SH3RF3: variants seen among roughly 807,000 people sequenced by gnomAD.
SH3RF3 encodes E3 ubiquitin-protein ligase SH3RF3.
In SH3RF3, 29 loss-of-function variants were observed where a neutral mutation model predicts 66.3. That is an observed-to-expected ratio of 0.44 (90% confidence interval 0.33 to 0.60). The LOEUF is 0.60. Ranked by LOEUF, SH3RF3 falls within the 20% of genes least tolerant of loss-of-function variation. The pLI is 0.04. For missense variants in SH3RF3, 1,194 were observed against 1,190.9 expected, an observed-to-expected ratio of 1.00 and a Z score of -0.04; for synonymous variants, 583 against 532.0, an observed-to-expected ratio of 1.10 and a Z score of -1.32.
chr2:109,324,151 T>TA (rs767047801), intron 1 of SH3RF3, among the ~76,000 whole-genome samples: 1 of 152,272 alleles, frequency 6.6e-6, no homozygotes, highest in Non-Finnish European at 1.5e-5. Flanking sequence ...TTCATGTTTT[T>TA]ATGGCTGAAT....
At chr2:109,442,410 A>G (rs1677594813) in intron 7 of SH3RF3, among the ~76,000 whole-genome samples, 1 of 152,170 alleles carries the variant, frequency 6.6e-6, no homozygotes, top group Non-Finnish European at 1.5e-5. Flanking sequence ...GAAGATCTAT[A>G]CAAAGGAATG....
chr2:109,321,439 T>C (rs887432221), intron 1 of SH3RF3, among the ~76,000 whole-genome samples: 1 of 152,246 alleles, frequency 6.6e-6, no homozygotes, highest in Non-Finnish European at 1.5e-5. Context: ...TTGTTGAATT[T>C]TGATTATCAG....
chr2:109,494,191 T>A (rs1391502359), intron 9 of SH3RF3, among the ~76,000 whole-genome samples: 1 of 152,216 alleles, frequency 6.6e-6, no homozygotes, highest in African/African-American at 2.4e-5. Flanking sequence ...ACCCTGTTTC[T>A]ATAAAGTCAT....
At chr2:109,214,590 C>A (rs1358785595) in intron 1 of SH3RF3, among the ~76,000 whole-genome samples, 2 of 152,076 alleles carry the variant, frequency 1.3e-5, no homozygotes, top group African/African-American at 4.8e-5. Context: ...TGAAAGACAG[C>A]CAAACAGGAA....
At chr2:109,221,158 A>G (rs1679227643) in intron 1 of SH3RF3, among the ~76,000 whole-genome samples, 1 of 152,246 alleles carries the variant, frequency 6.6e-6, no homozygotes, top group Admixed American at 6.5e-5. Context: ...CATACAAGTC[A>G]TGCACAGAGG....
chr2:109,473,976 G>C (rs1342241531), intron 8 of SH3RF3, among the ~76,000 whole-genome samples: 2 of 152,182 alleles, frequency 1.3e-5, no homozygotes, highest in African/African-American at 4.8e-5. Flanking sequence ...ACTCTGTCCT[G>C]GAAGGTGCTG....
At position 109,231,157 on chromosome 2, in the gene SH3RF3, C is replaced by T. The variant is rs910528816; in HGVS notation, c.573+101044C>T. 3.9e-5 allele frequency among the ~76,000 whole-genome samples: 6 copies of T among 152,218 alleles called. No individual in the cohort carries two copies. In the East Asian group the frequency reaches 5.8e-4, roughly 15 times the overall value. ...TTAGTGACCCCATCTCCTCTCCTCC[C>T]GGAGCCAGGCCAGAGCGGCTTTGCC... On this transcript the variant is annotated intron_variant, in intron 1 of 9. Coordinates refer to ENST00000309415, the MANE Select transcript of SH3RF3 (RefSeq NM_001099289.3).
intron 1 of SH3RF3, among the ~76,000 whole-genome samples, chr2:109,155,221 C>T (rs1252857009): frequency 1.3e-5 from 2 of 152,192 alleles, no homozygotes; most frequent in African/African-American, 2.4e-5. Flanking sequence ...TCCATGGGCA[C>T]CTTGCATCTA....
chr2:109,431,395 C>T (rs1045423979), intron 5 of SH3RF3, among the ~76,000 whole-genome samples: 4 of 152,228 alleles, frequency 2.6e-5, no homozygotes, highest in African/African-American at 9.6e-5. Context: ...TCCCTCCGTT[C>T]AAAACCAACC....
At chr2:109,269,686 C>T (rs184506202) in intron 1 of SH3RF3, among the ~76,000 whole-genome samples, 5 of 152,204 alleles carry the variant, frequency 3.3e-5, no homozygotes, top group Admixed American at 1.3e-4. Flanking sequence ...GGCTGAGGCA[C>T]GAGATTTGTT....
In SH3RF3 at chr2:109,504,405, C is replaced by G. The variant is rs964814544; in HGVS notation, c.*2734C>G. On this transcript the variant is annotated 3_prime_UTR_variant, in exon 10 of 10. Transcript: ENST00000309415. ...GCAGAGAGGATGGCGGCCACGGGTG[C>G]TCTCCTGGCATCCTCATGGGGTGAT... 6.6e-6 allele frequency: 1 copy of G among 152,290 alleles called. No homozygotes were observed. The highest frequency in any genetic ancestry group is 2.4e-5 in the African/African-American group (1 of 41,458). 9.4% of individuals were successfully genotyped at this position (152,290 alleles called of 1,614,324 possible).
In SH3RF3 at chr2:109,129,613, G is replaced by A. The variant is rs1676631935; in HGVS notation, c.73G>A (p.Asp25Asn). The A allele has an allele frequency of 1.3e-6, 2 of 1,486,306 alleles. No individual in the cohort carries two copies. Among genetic ancestry groups the A allele is most frequent in the Non-Finnish European group, 1.8e-6 (2 of 1,126,722 alleles). 92.1% of individuals were successfully genotyped at this position (1,486,306 alleles called of 1,614,324 possible). A position where few individuals can be genotyped will look rare whatever the true frequency, so the allele number is the denominator to read the frequency against. The change falls in exon 1 of 10, where the codon GAC becomes AAC. Residue 25 changes from aspartate (D) to asparagine (N), a missense_variant. Coordinates refer to ENST00000309415, the MANE Select transcript of SH3RF3 (RefSeq NM_001099289.3). ...TGCTGCGCAGAGCGAGGGCGACGAG[G>A]ACAGGCCAGGCGAGCGACGGCGGCG... ...AAAAQSEGDE[D>N]RPGERRRRRA...
intron 8 of SH3RF3, among the ~76,000 whole-genome samples, chr2:109,472,771 T>A (rs1224475052): frequency 6.6e-6 from 1 of 152,216 alleles, no homozygotes; most frequent in Non-Finnish European, 1.5e-5. Context: ...ATGGCTGTGT[T>A]GTATTTGTCC....
intron 5 of SH3RF3, among the ~76,000 whole-genome samples, chr2:109,420,020 G>A (rs1676829408): frequency 6.6e-6 from 1 of 152,222 alleles, no homozygotes; most frequent in Non-Finnish European, 1.5e-5. Context: ...CTAGGAGCTT[G>A]GGTAGCCACT....
intron 1 of SH3RF3, among the ~76,000 whole-genome samples, chr2:109,194,413 C>G (rs1429397005): frequency 8.5e-5 from 13 of 152,226 alleles, no homozygotes; most frequent in Admixed American, 8.5e-4. Flanking sequence ...CCCCTGCCAT[C>G]CACAGTCTTC....
chr2:109,387,381 C>A (rs1009078966), intron 3 of SH3RF3, among the ~76,000 whole-genome samples: 1 of 152,202 alleles, frequency 6.6e-6, no homozygotes, highest in Admixed American at 6.5e-5. Context: ...CTCCCAGGGG[C>A]CCAGAAGCTT....
At chr2:109,414,571 C>T (rs1373063127) in intron 4 of SH3RF3, among the ~76,000 whole-genome samples, 1 of 152,188 alleles carries the variant, frequency 6.6e-6, no homozygotes, top group Non-Finnish European at 1.5e-5. Flanking sequence ...CACCTGGGAG[C>T]TAAGGGCTTT....
chr2:109,230,939 G>C (rs889122631), intron 1 of SH3RF3, among the ~76,000 whole-genome samples: 11 of 152,214 alleles, frequency 7.2e-5, no homozygotes, highest in Non-Finnish European at 1.6e-4. Flanking sequence ...AGGAAGGCAG[G>C]ATAGGTCAAA....
At chr2:109,423,669 G>A (rs1158574792) in intron 5 of SH3RF3, among the ~76,000 whole-genome samples, 1 of 152,192 alleles carries the variant, frequency 6.6e-6, no homozygotes, top group Non-Finnish European at 1.5e-5. Flanking sequence ...GCCCCCAAGA[G>A]GTGTCTCAGA....
Sources: allele counts gnomAD v4.1 joint callset (sites outside exome capture counted in the v4.1 genomes callset), GRCh38; gene constraint gnomAD v4.1.1; transcripts MANE v1.5; gene names NCBI Gene and HGNC (gene_info 2026-07-23, HGNC 2026-07-21).